Variants in KIAA0825 observed in about 807,000 individuals in gnomAD.
The protein encoded by KIAA0825 is KIAA0825.
Under a neutral mutation model 147.6 loss-of-function variants are expected in KIAA0825, and 119 were observed. The observed-to-expected ratio is 0.81, with a 90% confidence interval of 0.69 to 0.94. The LOEUF (loss-of-function observed/expected upper bound fraction) is 0.94, where lower values mean the gene tolerates loss of function less well. Among genes scored for constraint, KIAA0825 ranks in the 40% least tolerant of loss-of-function variants. KIAA0825 has a pLI of 0.00. For missense variants in KIAA0825, 1,381 were observed against 1,472.7 expected (o/e 0.94, Z 1.02); for synonymous variants, 470 against 518.1 (o/e 0.91, Z 1.26).
At chr5:94,538,556 C>T (rs1772588999) in intron 2 of KIAA0825, among the ~76,000 whole-genome samples, 1 of 152,174 alleles carries the variant, frequency 6.6e-6, no homozygotes, top group Non-Finnish European at 1.5e-5. Context: ...AGATCACTAA[C>T]CTTTGGTAGA....
chr5:94,512,595 TAAAAA>T (rs557790918), intron 5 of KIAA0825, among the ~76,000 whole-genome samples: 1 of 128,210 alleles, frequency 7.8e-6, no homozygotes, highest in Admixed American at 8.0e-5. Flanking sequence ...GATCCTGTCT[TAAAAA>T]AAAAAAAAAA....
chr5:94,369,533 T>A (rs534790222), intron 20 of KIAA0825, among the ~76,000 whole-genome samples: 75 of 152,092 alleles, frequency 4.9e-4, no homozygotes, highest in African/African-American at 1.7e-3. Context: ...GTGGAGAGTG[T>A]GAGAATGAGA....
chr5:94,577,699 C>T (rs769057600), intron 2 of KIAA0825, among the ~76,000 whole-genome samples: 10 of 152,184 alleles, frequency 6.6e-5, no homozygotes, highest in Non-Finnish European at 1.3e-4. Context: ...AGTACTTGTA[C>T]ACCAAACCAT....
At chr5:94,366,416 C>A (rs1249495882) in intron 20 of KIAA0825, among the ~76,000 whole-genome samples, 1 of 152,130 alleles carries the variant, frequency 6.6e-6, no homozygotes, top group Non-Finnish European at 1.5e-5. Context: ...CCCCTCCTCT[C>A]ATTTCTGCTT....
At chr5:94,361,558 CA>C (rs2150405260) in intron 20 of KIAA0825, among the ~76,000 whole-genome samples, 1 of 152,262 alleles carries the variant, frequency 6.6e-6, no homozygotes, top group African/African-American at 2.4e-5. Context: ...TTCCTTGTAG[CA>C]AAATTACGGA....
intron 14 of KIAA0825, among the ~76,000 whole-genome samples, chr5:94,428,325 T>A (rs996970676): frequency 2.0e-5 from 3 of 152,138 alleles, no homozygotes; most frequent in Non-Finnish European, 4.4e-5. Context: ...TAGTTTCTAT[T>A]GTGTGGTTGC....
chr5:94,384,020 T>G (rs1748808203), intron 20 of KIAA0825, among the ~76,000 whole-genome samples: 1 of 152,132 alleles, frequency 6.6e-6, no homozygotes, highest in South Asian at 2.1e-4. Context: ...AACGTTCAAG[T>G]CAATAACTTT....
At chr5:94,327,460 A>G (rs1020348084) in intron 20 of KIAA0825, among the ~76,000 whole-genome samples, 5 of 152,072 alleles carry the variant, frequency 3.3e-5, no homozygotes, top group Non-Finnish European at 7.4e-5. Flanking sequence ...CTCTACAGGT[A>G]TATTTGTTAT....
chr5:94,257,687 T>C (rs1166415397), intron 20 of KIAA0825, among the ~76,000 whole-genome samples: 4 of 152,096 alleles, frequency 2.6e-5, no homozygotes, highest in African/African-American at 4.8e-5. Flanking sequence ...TGAGAATCTA[T>C]AGTGTAACAA....
intron 5 of KIAA0825, among the ~76,000 whole-genome samples, chr5:94,495,715 A>C (rs1764275597): frequency 6.6e-6 from 1 of 152,244 alleles, no homozygotes. Flanking sequence ...AGAAAAACTC[A>C]GTGTTGAAAA....
chr5:94,506,106 T>A (rs1486573178), intron 5 of KIAA0825, among the ~76,000 whole-genome samples: 1 of 152,096 alleles, frequency 6.6e-6, no homozygotes, highest in East Asian at 1.9e-4. Context: ...GCTCAGTGAA[T>A]AATGATTATT....
At chr5:94,461,200 T>G (rs1584560294) in intron 12 of KIAA0825, among the ~76,000 whole-genome samples, 1 of 151,966 alleles carries the variant, frequency 6.6e-6, no homozygotes, top group South Asian at 2.1e-4. Flanking sequence ...ACAAATGCAT[T>G]GGGGGGCTAA....
intron 20 of KIAA0825, among the ~76,000 whole-genome samples, chr5:94,206,336 G>A (rs1772197490): frequency 6.6e-6 from 1 of 151,992 alleles, no homozygotes; most frequent in African/African-American, 2.4e-5. Context: ...AGGCTGTGTT[G>A]TCTGTAATTC....
chr5:94,168,110 G>C (rs1768231506), intron 20 of KIAA0825, among the ~76,000 whole-genome samples: 1 of 150,806 alleles, frequency 6.6e-6, no homozygotes, highest in African/African-American at 2.4e-5. Flanking sequence ...AAAATACATA[G>C]AAATACATAT....
In KIAA0825 at chr5:94,452,994, A is replaced by G; in HGVS notation, c.2322T>C (p.Val774=). ...KSFFKQPLYW[V]SCISHFYPSL... ...AAGGGTAGAAATGTGATATGCAAGA[A>G]ACCCAATATAATGGTTGCTTAAAAA... Residue 774 remains valine, a synonymous_variant, in exon 13 of 21, where the codon GTT becomes GTC. Coordinates refer to ENST00000682413, the MANE Select transcript of KIAA0825 (RefSeq NM_001145678.3). 7 of 1,531,352 alleles carry G rather than the reference A, an allele frequency of 4.6e-6. No individual in the cohort carries two copies. The highest frequency in any genetic ancestry group is 6.1e-6 in the Non-Finnish European group (7 of 1,139,192). 94.9% of individuals were successfully genotyped at this position (1,531,352 alleles called of 1,614,324 possible).
intron 20 of KIAA0825, among the ~76,000 whole-genome samples, chr5:94,291,165 C>A (rs1777872994): frequency 6.6e-6 from 1 of 152,096 alleles, no homozygotes; most frequent in Non-Finnish European, 1.5e-5. Flanking sequence ...GCTTTTGTTG[C>A]CATTGCTTTT....
rs201812633 is a variant in KIAA0825 at position 94,162,465 on chromosome 5, A to AT, written c.3711-8342dup. Among the ~76,000 whole-genome samples, 615 of 148,650 alleles carry AT rather than the reference A, an allele frequency of 4.1e-3. 3 individuals carry two copies. Among genetic ancestry groups the AT allele is most frequent in the African/African-American group, 0.014 (585 of 40,620 alleles). ...CAGGTGTGCACCACCGTGGCCACCT[A>AT]TTTTTTTTTTAAGCATTTTTCTGTA... On this transcript the variant is annotated intron_variant, in intron 20 of 20. Transcript: ENST00000682413.
At chr5:94,258,068 T>A in intron 20 of KIAA0825, among the ~76,000 whole-genome samples, 1 of 152,050 alleles carries the variant, frequency 6.6e-6, no homozygotes, top group African/African-American at 2.4e-5. Flanking sequence ...CTTTCTTTAT[T>A]GTCCTTTAAA....
chr5:94,156,054 A>G (rs904221247), intron 20 of KIAA0825, among the ~76,000 whole-genome samples: 1 of 152,242 alleles, frequency 6.6e-6, no homozygotes, highest in African/African-American at 2.4e-5. Flanking sequence ...ATACTTTTAT[A>G]TAGCATTAAC....
Sources: allele counts gnomAD v4.1 joint callset (sites outside exome capture counted in the v4.1 genomes callset), GRCh38; gene constraint gnomAD v4.1.1; transcripts MANE v1.5; gene names NCBI Gene and HGNC (gene_info 2026-07-23, HGNC 2026-07-21).